Variants in HERC2 observed in about 807,000 individuals in gnomAD.
The protein encoded by HERC2 is E3 ubiquitin-protein ligase HERC2.
In HERC2, 102 loss-of-function variants were observed where a neutral mutation model predicts 537.7. The observed-to-expected ratio is 0.19, with a 90% CI of 0.16 to 0.22. The LOEUF is 0.22. Among genes scored for constraint, HERC2 ranks in the 10% least tolerant of loss-of-function variants. The pLI, the probability that HERC2 is intolerant of heterozygous loss-of-function variation, is 1.00. For synonymous variants in HERC2, 2,224 were observed against 2,466.2 expected, an observed-to-expected ratio of 0.90 and a Z score of 2.91; for missense variants, 4,236 against 6,198.2, an observed-to-expected ratio of 0.68 and a Z score of 10.63.
At position 28,268,441 on chromosome 15, in the gene HERC2, C is replaced by T. The variant is rs768423322; in HGVS notation, c.1598+24G>A. ...GGCAACATAAAAGGAGAGTGTGTCCCCTACAGGAATAAGCGATACATACAC... is the reference window on the plus strand; with the variant it reads ...GGCAACATAAAAGGAGAGTGTGTCCTCTACAGGAATAAGCGATACATACAC... On this transcript the variant is annotated intron_variant, in intron 12 of 92. Coordinates refer to ENST00000261609, the MANE Select transcript of HERC2 (RefSeq NM_004667.6). This position sits in a 1 kb window ranked among gnomAD's most constrained non-coding sequence, Gnocchi z 4.7. 1 of 1,604,238 alleles carries T rather than the reference C, an allele frequency of 6.2e-7. No homozygotes were observed. Among genetic ancestry groups the T allele is most frequent in the African/African-American group, 1.3e-5 (1 of 74,798 alleles).
chr15:28,211,690 C>T (rs1021654984), intron 43 of HERC2, among the ~76,000 whole-genome samples: 4 of 152,192 alleles, frequency 2.6e-5, no homozygotes, highest in South Asian at 2.1e-4. Context: ...CGATGGGAAA[C>T]GGCAGCTACT....
At chr15:28,284,061 A>G (rs73362701) in intron 4 of HERC2, among the ~76,000 whole-genome samples, 2,150 of 152,330 alleles carry the variant, frequency 0.014, 49 homozygotes, top group African/African-American at 0.049. Context: ...CATGCTTAAT[A>G]ATTTTGTGCA....
intron 83 of HERC2, among the ~76,000 whole-genome samples, chr15:28,128,910 C>T (rs1231687297): frequency 6.6e-6 from 1 of 152,194 alleles, no homozygotes; most frequent in Non-Finnish European, 1.5e-5. Flanking sequence ...CCTGTTCCTC[C>T]ACGAAAGCCA....
At position 28,190,951 on chromosome 15, in the gene HERC2, G is replaced by A; in HGVS notation, c.8649+14C>T. On this transcript the variant is annotated intron_variant, in intron 55 of 92. Coordinates refer to ENST00000261609, the MANE Select transcript of HERC2 (RefSeq NM_004667.6). Reference sequence around the variant, plus strand: ...TGTAAATCATCCAAATGGAACACTAGCATAGCTACTTACCTCTGTGCAGTC... The same window carrying A: ...TGTAAATCATCCAAATGGAACACTAACATAGCTACTTACCTCTGTGCAGTC... The A allele has an allele frequency of 6.5e-7, 1 of 1,546,108 alleles. No homozygotes were observed. Among genetic ancestry groups the A allele is most frequent in the East Asian group, 2.2e-5 (1 of 44,564 alleles).
In HERC2 at chr15:28,125,118, C is replaced by T. The variant is rs545280792; in HGVS notation, c.12878G>A (p.Arg4293Gln). 3.1e-5 allele frequency: 50 copies of T among 1,614,158 alleles called. No individual in the cohort carries two copies. Among genetic ancestry groups the T allele is most frequent in the Non-Finnish European group, 3.6e-5 (43 of 1,179,966 alleles). Reference protein sequence around the residue: ...DGTTNAIQRPRLVAALQGKKV... With the variant: ...DGTTNAIQRPQLVAALQGKKV... ...CTTACCCTGAAGGGCAGCTACCAAC[C>T]GAGGCCTCTGGATGGCATTGGTGGT... The change falls in exon 84 of 93, where the codon CGG becomes CAG. Residue 4293 changes from arginine (R) to glutamine (Q), a missense_variant. Coordinates refer to ENST00000261609, the MANE Select transcript of HERC2 (RefSeq NM_004667.6).
intron 4 of HERC2, among the ~76,000 whole-genome samples, chr15:28,287,345 G>T (rs28569339): frequency 0.08 from 12,173 of 152,154 alleles, 1,666 homozygotes; most frequent in African/African-American, 0.28. Context: ...GCCCCTTCAA[G>T]GCTGCCAGGT....
At chr15:28,124,932 A>C (rs1000677701) in intron 84 of HERC2, 74 bp downstream of exon 84, 1 of 1,417,076 alleles carries the variant, frequency 7.1e-7, no homozygotes. Context: ...CTGTAAACAC[A>C]CAACGACAGG....
chr15:28,226,582 T>C (rs956438682), intron 35 of HERC2, among the ~76,000 whole-genome samples: 6 of 152,176 alleles, frequency 3.9e-5, no homozygotes, highest in African/African-American at 1.4e-4. Flanking sequence ...TACCTCACAC[T>C]GTGTAAAAGA....
At chr15:28,280,657 C>G (rs779059099) in intron 4 of HERC2, among the ~76,000 whole-genome samples, 1 of 152,122 alleles carries the variant, frequency 6.6e-6, no homozygotes, top group African/African-American at 2.4e-5. Context: ...GGAATCCCAG[C>G]ACTTTGGGAG....
In HERC2 at chr15:28,243,664, T is replaced by G. The variant is rs1424814007; in HGVS notation, c.3577+2217A>C. ...CACTAATAATCTAGAAAATGCTAAT[T>G]GAAACCACAATGAGATACCAGTGTA... is the stretch of plus-strand genomic sequence containing the variant. On this transcript the variant is annotated intron_variant, in intron 23 of 92. Transcript: ENST00000261609. 3.9e-5 allele frequency among the ~76,000 whole-genome samples: 6 copies of G among 152,180 alleles called. No individual in the cohort carries two copies. In the East Asian group the frequency reaches 1.2e-3, roughly 29 times the overall value.
intron 89 of HERC2, 146 bp downstream of exon 89, chr15:28,115,283 T>TTCA: frequency 2.3e-6 from 1 of 429,202 alleles, no homozygotes; most frequent in Non-Finnish European, 4.1e-6. Flanking sequence ...TTTTTTTTGC[T>TTCA]ACTCAAAGGT....
At chr15:28,288,135 A>T (rs997114622) in intron 4 of HERC2, among the ~76,000 whole-genome samples, 1 of 152,228 alleles carries the variant, frequency 6.6e-6, no homozygotes, top group Non-Finnish European at 1.5e-5. Context: ...CTCTGTCAGA[A>T]GATCTAGAAA....
chr15:28,152,562 T>C (rs1438816869), intron 70 of HERC2, 115 bp downstream of exon 70: 5 of 964,332 alleles, frequency 5.2e-6, no homozygotes, highest in Non-Finnish European at 7.5e-6. Flanking sequence ...CTAAAGCAAT[T>C]CTGTAACTTC....
At chr15:28,299,268 T>C (rs1277581781) in intron 3 of HERC2, 134 bp downstream of exon 3, 5 of 475,156 alleles carry the variant, frequency 1.1e-5, no homozygotes, top group Non-Finnish European at 1.9e-5. Context: ...TAGACAACAA[T>C]CTCCAAAGTA....
chr15:28,253,187 T>C (rs1030719799), intron 20 of HERC2, among the ~76,000 whole-genome samples: 1 of 148,802 alleles, frequency 6.7e-6, no homozygotes, highest in African/African-American at 2.6e-5. Context: ...ACACTGACCG[T>C]TTTGGCTTCT....
intron 5 of HERC2, among the ~76,000 whole-genome samples, chr15:28,275,491 T>C (rs1365964521): frequency 6.6e-6 from 1 of 152,218 alleles, no homozygotes; most frequent in Admixed American, 6.5e-5. Flanking sequence ...TATGGGGCAT[T>C]GCCCTCTTCT....
At chr15:28,321,825 A>T (rs2077238467) in intron 1 of HERC2, among the ~76,000 whole-genome samples, 1 of 144,220 alleles carries the variant, frequency 6.9e-6, no homozygotes, top group East Asian at 2.2e-4. Context: ...CAGCAGCATG[A>T]ATCTGCCGCT....
In HERC2 at chr15:28,188,543, T is replaced by TAA. The variant is rs34333172; in HGVS notation, c.8650-1793_8650-1792dup. Among the ~76,000 whole-genome samples, 486 of 135,124 alleles carry TAA rather than the reference T, an allele frequency of 3.6e-3. 4 individuals are homozygous for TAA. The highest frequency in any genetic ancestry group is 0.012 in the African/African-American group (443 of 37,212). The allele number at this position is 135,124 out of a possible 152,430, so 88.6% of individuals were successfully genotyped here. On this transcript the variant is annotated intron_variant, in intron 55 of 92. Transcript: ENST00000261609. ...TGGGTGACAGAGTGAGACTCCGTCT[T>TAA]AAAAAAAAAAAAAAAGAGTACTTGT...
intron 2 of HERC2, among the ~76,000 whole-genome samples, chr15:28,315,076 A>G (rs1453655966): frequency 6.6e-6 from 1 of 152,216 alleles, no homozygotes; most frequent in African/African-American, 2.4e-5. Context: ...CCTCTTCTCA[A>G]TGAGCTGCAA....
Sources: gnomAD v4.1 joint callset for allele counts (sites outside exome capture counted in the v4.1 genomes callset) on GRCh38, gnomAD v4.1.1 for gene constraint, Gnocchi (gnomAD v3.1) non-coding constraint, MANE v1.5 for transcripts, NCBI Gene and HGNC (gene_info 2026-07-23, HGNC 2026-07-21) for gene names.